Variants in PHEX observed in about 807,000 individuals in gnomAD.
PHEX encodes phosphate-regulating neutral endopeptidase PHEX.
Under a neutral mutation model 68.0 loss-of-function variants are expected in PHEX, and 16 were observed. The observed-to-expected ratio is 0.24, with a 90% CI of 0.16 to 0.36. PHEX has a LOEUF of 0.36. Among genes scored for constraint, PHEX ranks in the 10% least tolerant of loss-of-function variants. The pLI is 1.00. For missense variants in PHEX, 480 were observed against 575.5 expected, an observed-to-expected ratio of 0.83 and a Z score of 1.70; for synonymous variants, 208 against 205.1, an observed-to-expected ratio of 1.01 and a Z score of -0.12.
intron 16 of PHEX, among the ~76,000 whole-genome samples, chrX:22,214,391 G>T (rs946508847): frequency 1.3e-4 from 15 of 111,257 alleles, no homozygotes; most frequent in African/African-American, 4.9e-4. Context: ...AATTCCGTCT[G>T]CAGCCCCTTT....
rs977788196 is a variant in PHEX, at chrX:22,193,065, C to T, written c.1645+2563C>T. On this transcript the variant is annotated intron_variant, in intron 15 of 21. Coordinates refer to ENST00000379374, the MANE Select transcript of PHEX (RefSeq NM_000444.6). ...CTTACTGTATAAATATTCATTATCA[C>T]GAAACTACCATTGCTTTCTTAAGGC... 4.5e-5 allele frequency among the ~76,000 whole-genome samples: 5 copies of T among 111,189 alleles called. No individual in the cohort carries two copies. The Admixed American group carries it at 4.8e-4, about 11-fold the overall frequency.
At chrX:22,235,353 T>TCTCTC (rs1343219057) in intron 20 of PHEX, among the ~76,000 whole-genome samples, 1 of 112,395 alleles carries the variant, frequency 8.9e-6, no homozygotes, top group African/African-American at 3.2e-5. Context: ...TTTGACATCT[T>TCTCTC]CTCTCCTGTT....
At position 22,227,578 on chromosome X, in the gene PHEX, C is replaced by T. The variant is rs766459849; in HGVS notation, c.2037C>T (p.Thr679=). Reference sequence around the variant, plus strand: ...CTCTTCTACCAGGCATCACATTCACCAACAACCAGCTCTTCTTCCTGAGTT... The same window carrying T: ...CTCTTCTACCAGGCATCACATTCACTAACAACCAGCTCTTCTTCCTGAGTT... The part of the protein sequence containing the change: ...EEPLLPGITF[T]NNQLFFLSYA... Residue 679 remains threonine, a synonymous_variant, in exon 20 of 22, where the codon ACC becomes ACT. Coordinates refer to ENST00000379374, the MANE Select transcript of PHEX (RefSeq NM_000444.6). 9.4e-5 allele frequency: 113 copies of T among 1,203,124 alleles called. 1 individual carries two copies. The South Asian group carries it at 1.8e-3, about 20-fold the overall frequency.
At position 22,119,066 on chromosome X, in the gene PHEX, A is replaced by AT. The variant is rs756916723; in HGVS notation, c.1302+4488dup. ...AATTGAACTGGAATATGAGCCACAT[A>AT]TTTTTTTTGAGACAGGGTCTCACTC... On this transcript the variant is annotated intron_variant, in intron 11 of 21. Coordinates refer to ENST00000379374, the MANE Select transcript of PHEX (RefSeq NM_000444.6). 1.1e-3 allele frequency among the ~76,000 whole-genome samples: 120 copies of AT among 110,898 alleles called. 1 individual carries two copies. The highest frequency in any genetic ancestry group is 4.6e-3 in the Middle Eastern group (1 of 216).
Position 22,176,384 on chromosome X carries a change from CAAAAAAAAA to C in PHEX, c.1483-1878_1483-1870del, listed in dbSNP as rs61277745. Among the ~76,000 whole-genome samples, 42 of 73,903 alleles carry C rather than the reference CAAAAAAAAA, an allele frequency of 5.7e-4. 1 individual carries two copies. Among genetic ancestry groups the C allele is most frequent in the African/African-American group, 1.8e-3 (38 of 21,542 alleles). 64.2% of individuals were successfully genotyped at this position (73,903 alleles called of 115,157 possible). ...CCTGGGTGACAGAGCGAGACTGTCTCAAAAAAAAAAAAAAAAAAATATATATATATATAT... is the reference window on the plus strand; with the variant it reads ...CCTGGGTGACAGAGCGAGACTGTCTCAAAAAAAAAATATATATATATATAT... On this transcript the variant is annotated intron_variant, in intron 13 of 21. Transcript: ENST00000379374.
At chrX:22,067,754 G>C (rs1928673143) in intron 3 of PHEX, among the ~76,000 whole-genome samples, 1 of 111,227 alleles carries the variant, frequency 9.0e-6, no homozygotes, top group African/African-American at 3.3e-5. Context: ...CAAAATCCTG[G>C]GTCCCACCCC....
intron 18 of PHEX, among the ~76,000 whole-genome samples, chrX:22,223,607 G>T (rs1309058669): frequency 9.0e-6 from 1 of 111,206 alleles, no homozygotes; most frequent in African/African-American, 3.3e-5. Context: ...AAATTAGCCG[G>T]GTGTAGTGGT....
chrX:22,107,381 C>T (rs916456100), intron 9 of PHEX, among the ~76,000 whole-genome samples: 1 of 112,321 alleles, frequency 8.9e-6, no homozygotes, highest in African/African-American at 3.2e-5. Flanking sequence ...ACCTCCTTCT[C>T]GTCTCCACCT....
At chrX:22,181,311 T>C (rs1280995840) in intron 14 of PHEX, among the ~76,000 whole-genome samples, 1 of 112,199 alleles carries the variant, frequency 8.9e-6, no homozygotes, top group Non-Finnish European at 1.9e-5. Flanking sequence ...TGGGGTAAGA[T>C]GATATCTCAT....
In PHEX at chrX:22,248,180, C is replaced by G. The variant is rs765787001; in HGVS notation, c.*227C>G. The G allele has an allele frequency of 3.2e-4, 130 of 409,671 alleles. No individual in the cohort carries two copies. The highest frequency in any genetic ancestry group is 5.3e-4 in the Non-Finnish European group (124 of 234,847). 33.8% of individuals were successfully genotyped at this position (409,671 alleles called of 1,213,427 possible). ...AGTATGTTTCTTTAGAAAATCAAAC[C>G]AACAAAAATAAATCCCTAGGCTACT... On this transcript the variant is annotated 3_prime_UTR_variant, in exon 22 of 22. Transcript: ENST00000379374.
chrX:22,205,955 T>A (rs1306629960), intron 15 of PHEX, among the ~76,000 whole-genome samples: 1 of 112,218 alleles, frequency 8.9e-6, no homozygotes, highest in African/African-American at 3.2e-5. Context: ...AGGAAGAATA[T>A]TCCACTTTTA....
chrX:22,195,869 G>A (rs1055758992), intron 15 of PHEX, among the ~76,000 whole-genome samples: 2 of 111,379 alleles, frequency 1.8e-5, no homozygotes, highest in Admixed American at 9.5e-5. Context: ...AAAACTCACC[G>A]TGTTCTATCA....
chrX:22,159,316 C>T (rs775245295), intron 12 of PHEX, among the ~76,000 whole-genome samples: 2 of 113,032 alleles, frequency 1.8e-5, no homozygotes, highest in South Asian at 7.2e-4. Context: ...TTGTGTGAAC[C>T]ACAAGTTATG....
chrX:22,224,976 A>C (rs1935414985), intron 18 of PHEX, among the ~76,000 whole-genome samples: 1 of 112,894 alleles, frequency 8.9e-6, no homozygotes, highest in African/African-American at 3.2e-5. Context: ...ATGATTTATT[A>C]TCATACAGCT....
intron 14 of PHEX, among the ~76,000 whole-genome samples, chrX:22,183,905 C>T (rs1185002213): frequency 8.9e-6 from 1 of 111,860 alleles, no homozygotes; most frequent in Non-Finnish European, 1.9e-5. Context: ...AATGTGTTAT[C>T]TTTAACATCG....
At chrX:22,212,063 T>A (rs1292559534) in intron 15 of PHEX, among the ~76,000 whole-genome samples, 1 of 111,649 alleles carries the variant, frequency 9.0e-6, no homozygotes, top group African/African-American at 3.3e-5. Context: ...TTCTCTGTCC[T>A]TTTCTGTCAT....
intron 3 of PHEX, among the ~76,000 whole-genome samples, chrX:22,056,763 AAATAATAATAATAATAAT>A (rs59624310): frequency 9.6e-5 from 9 of 93,290 alleles, no homozygotes; most frequent in Admixed American, 2.5e-4. Flanking sequence ...CTCTGTCTCA[AAATAATAATAATAATAAT>A]AATAATAATA....
At chrX:22,119,338 C>T (rs950076252) in intron 11 of PHEX, among the ~76,000 whole-genome samples, 12 of 111,705 alleles carry the variant, frequency 1.1e-4, no homozygotes. Context: ...TTAAAACATT[C>T]CATTAGCTAA....
chrX:22,070,796 A>G (rs962295045), intron 3 of PHEX, among the ~76,000 whole-genome samples: 2 of 112,288 alleles, frequency 1.8e-5, no homozygotes, highest in Non-Finnish European at 3.8e-5. Flanking sequence ...TTGCAGGGTC[A>G]GGAGAAAGAA....
Sources: allele counts gnomAD v4.1 joint callset (sites outside exome capture counted in the v4.1 genomes callset), GRCh38; gene constraint gnomAD v4.1.1; transcripts MANE v1.5; gene names NCBI Gene and HGNC (gene_info 2026-07-23, HGNC 2026-07-21).